The following MAGI2 variants were observed in gnomAD, a reference collection of about 807,000 sequenced individuals.
The protein encoded by MAGI2 is membrane associated guanylate kinase, WW and PDZ domain containing 2.
In MAGI2, 35 loss-of-function variants were observed where a neutral mutation model predicts 133.3. That is an observed-to-expected ratio of 0.26 (90% CI 0.20 to 0.35). The LOEUF (loss-of-function observed/expected upper bound fraction) is 0.35, where lower values mean the gene tolerates loss of function less well. Among genes scored for constraint, MAGI2 ranks in the 10% least tolerant of loss-of-function variants. The pLI, the probability that MAGI2 is intolerant of heterozygous loss-of-function variation, is 1.00. For synonymous variants in MAGI2, 729 were observed against 710.6 expected (o/e 1.03, Z -0.41); for missense variants, 1,636 against 1,863.4 (o/e 0.88, Z 2.25).
chr7:78,633,052 C>T (rs1413907312), intron 2 of MAGI2, among the ~76,000 whole-genome samples: 4 of 152,194 alleles, frequency 2.6e-5, no homozygotes, highest in African/African-American at 9.7e-5. Context: ...CCATGGAATA[C>T]GATGCAATCG....
intron 6 of MAGI2, among the ~76,000 whole-genome samples, chr7:78,448,318 T>C (rs7784064): frequency 0.45 from 67,584 of 151,762 alleles, 15,416 homozygotes; most frequent in African/African-American, 0.54. Context: ...GATCATACGG[T>C]AGTCCTAGTT....
Position 78,345,945 on chromosome 7 carries a change from G to A in MAGI2, c.1202C>T (p.Pro401Leu). The A allele has an allele frequency of 6.2e-7, 1 of 1,614,128 alleles. No homozygotes were observed. Among genetic ancestry groups the A allele is most frequent in the Non-Finnish European group, 8.5e-7 (1 of 1,180,026 alleles). Residue 401 changes from proline to leucine, a missense_variant, in exon 8 of 22, where the codon CCC becomes CTC. Around this residue, in one of 5 missense-constraint regions of MAGI2, gnomAD observed 920 missense variants for 1,093.5 expected, o/e 0.84. Coordinates refer to ENST00000354212, the MANE Select transcript of MAGI2 (RefSeq NM_012301.4). ...ACCTCGGAAACCTGGGGCCTGCAGG[G>A]GCTTTGTTCCAAGTTCTGTGTGGGG... ...NMPHTELGTK[P>L]LQAPGFREKP...
chr7:79,397,520 T>C (rs1042371434), intron 1 of MAGI2, among the ~76,000 whole-genome samples: 1 of 152,118 alleles, frequency 6.6e-6, no homozygotes, highest in Non-Finnish European at 1.5e-5. Context: ...GGTTACAAAA[T>C]GTGACTATCT....
chr7:78,419,504 A>C (rs1798603040), intron 6 of MAGI2, among the ~76,000 whole-genome samples: 1 of 152,050 alleles, frequency 6.6e-6, no homozygotes, highest in African/African-American at 2.4e-5. Context: ...ATCAAGTTTA[A>C]AGAAACTAGG....
chr7:79,376,692 C>A lies in MAGI2; in HGVS notation c.301+76328G>T, dbSNP rs912479669. Among the ~76,000 whole-genome samples, 39 of 151,816 alleles carry A rather than the reference C, an allele frequency of 2.6e-4. 1 individual carries two copies. The highest frequency in any genetic ancestry group is 2.1e-4 in the South Asian group (1 of 4,820). On this transcript the variant is annotated intron_variant, in intron 1 of 21. Coordinates refer to ENST00000354212, the MANE Select transcript of MAGI2 (RefSeq NM_012301.4). ...TTTCATCATGCTACTCAGTACAGCCCGAAATTTTAAAGTTATTTGTTTCAA... is the reference window on the plus strand; with the variant it reads ...TTTCATCATGCTACTCAGTACAGCCAGAAATTTTAAAGTTATTTGTTTCAA...
intron 2 of MAGI2, among the ~76,000 whole-genome samples, chr7:78,946,260 T>C (rs147008134): frequency 1.3e-5 from 2 of 152,318 alleles, no homozygotes; most frequent in East Asian, 3.9e-4. Flanking sequence ...AGTAATCATG[T>C]AAAGCAACTA....
intron 1 of MAGI2, chr7:79,343,495 G>A (rs1276907183): frequency 6.6e-6 from 1 of 151,528 alleles, no homozygotes; most frequent in Non-Finnish European, 1.5e-5. Context: ...GGAGGAAGAA[G>A]ACATTTATAT....
chr7:79,004,387 T>C (rs779650831), intron 2 of MAGI2, among the ~76,000 whole-genome samples: 1 of 152,144 alleles, frequency 6.6e-6, no homozygotes, highest in African/African-American at 2.4e-5. Context: ...TTCTTACTCA[T>C]ATGTTGGAGC....
At chr7:79,441,409 T>C (rs1390277567) in intron 1 of MAGI2, among the ~76,000 whole-genome samples, 1 of 152,188 alleles carries the variant, frequency 6.6e-6, no homozygotes, top group Non-Finnish European at 1.5e-5. Flanking sequence ...TATTAGACAA[T>C]GAAGACTTTC....
At chr7:78,896,266 C>G (rs1797205270) in intron 2 of MAGI2, among the ~76,000 whole-genome samples, 2 of 151,906 alleles carry the variant, frequency 1.3e-5, no homozygotes, top group African/African-American at 2.4e-5. Flanking sequence ...ATCTGGTGTA[C>G]TTGAAACTAT....
chr7:78,743,632 ATC>A (rs1294754292), intron 2 of MAGI2, among the ~76,000 whole-genome samples: 1 of 152,198 alleles, frequency 6.6e-6, no homozygotes, highest in African/African-American at 2.4e-5. Context: ...GTAATATAAT[ATC>A]TGTCACATAC....
rs375442681 is a variant in MAGI2 at position 79,211,903 on chromosome 7, A to T, written c.302-204697T>A. ...ATGAGTTTAAGCCAGCTACTTGGTC[A>T]TGTTTGGTGAGTACTTGAAACAAAC... On this transcript the variant is annotated intron_variant, in intron 1 of 21. Transcript: ENST00000354212. 3.6e-3 allele frequency among the ~76,000 whole-genome samples: 544 copies of T among 152,094 alleles called. 24 individuals carry two copies. In the South Asian group the frequency reaches 0.11, roughly 30 times the overall value.
intron 12 of MAGI2, among the ~76,000 whole-genome samples, chr7:78,192,225 T>A (rs1042418676): frequency 3.6e-4 from 55 of 152,076 alleles, no homozygotes; most frequent in African/African-American, 1.3e-3. Context: ...TTGCACTGAT[T>A]TTTCCCCCCC....
At chr7:78,943,558 T>C (rs1801159272) in intron 2 of MAGI2, among the ~76,000 whole-genome samples, 1 of 152,178 alleles carries the variant, frequency 6.6e-6, no homozygotes. Context: ...TACTTTCTGG[T>C]AACTGATTTG....
chr7:78,435,411 A>T (rs957789722), intron 6 of MAGI2, among the ~76,000 whole-genome samples: 1 of 152,078 alleles, frequency 6.6e-6, no homozygotes, highest in Non-Finnish European at 1.5e-5. Context: ...CAGAGGACCA[A>T]TGGATTTCAG....
At position 78,886,864 on chromosome 7, in the gene MAGI2, A is replaced by G. The variant is rs574317003; in HGVS notation, c.418+120226T>C. Among the ~76,000 whole-genome samples the G allele has an allele frequency of 2.6e-5, 4 of 152,236 alleles. No homozygotes were observed. The South Asian group carries it at 8.3e-4, about 32-fold the overall frequency. ...ATCCCCAGTCCAAATCTCATCTTGA[A>G]TAAGATGAGGGAGGGACCTTGTAGG... On this transcript the variant is annotated intron_variant, in intron 2 of 21. Transcript: ENST00000354212.
chr7:78,265,994 A>G (rs957537189), intron 9 of MAGI2, among the ~76,000 whole-genome samples: 1 of 152,202 alleles, frequency 6.6e-6, no homozygotes, highest in African/African-American at 2.4e-5. Context: ...CTCTACCCGC[A>G]ACTGTCAATA....
chr7:79,421,752 A>T (rs1168511917), intron 1 of MAGI2, among the ~76,000 whole-genome samples: 3 of 152,022 alleles, frequency 2.0e-5, no homozygotes, highest in Non-Finnish European at 2.9e-5. Context: ...CATTCACAAC[A>T]CAGACTGCAA....
At chr7:78,644,207 G>T (rs1017574344) in intron 2 of MAGI2, among the ~76,000 whole-genome samples, 1 of 151,960 alleles carries the variant, frequency 6.6e-6, no homozygotes, top group Non-Finnish European at 1.5e-5. Context: ...AAGAAAAATT[G>T]ATAATTCCAC....
Sources: gnomAD v4.1 joint callset for allele counts (sites outside exome capture counted in the v4.1 genomes callset) on GRCh38, gnomAD v4.1.1 for gene constraint, gnomAD v4.1.1 regional missense constraint, MANE v1.5 for transcripts, NCBI Gene and HGNC (gene_info 2026-07-23, HGNC 2026-07-21) for gene names.